Variants in ADPRHL1 observed in about 807,000 individuals in gnomAD.
ADPRHL1 encodes ADP-ribosylhydrolase like 1.
A neutral mutation model predicts 44.1 loss-of-function variants in ADPRHL1; 43 were observed. That is an observed-to-expected ratio of 0.98 (90% CI 0.76 to 1.26). ADPRHL1 has a LOEUF of 1.26. Among genes scored for constraint, ADPRHL1 ranks in the 50% most tolerant of loss-of-function variants. The pLI is 0.00. For synonymous variants in ADPRHL1, 878 were observed against 1,017.4 expected (o/e 0.86, Z 2.61); for missense variants, 2,022 against 2,496.9 (o/e 0.81, Z 4.05).
intron 7 of ADPRHL1, among the ~76,000 whole-genome samples, chr13:113,412,812 C>T (rs1238684164): frequency 4.4e-5 from 5 of 113,672 alleles, no homozygotes; most frequent in Admixed American, 1.7e-4. Flanking sequence ...CAACAGCACC[C>T]CGCAGAACTC....
chr13:113,427,752 A>C (rs2043977523), intron 4 of ADPRHL1, among the ~76,000 whole-genome samples: 1 of 152,236 alleles, frequency 6.6e-6, no homozygotes, highest in Middle Eastern at 3.2e-3. Flanking sequence ...CGGGGAGCAC[A>C]GAGCAGTGGC....
chr13:113,451,882 C>T (rs2044181376), intron 1 of ADPRHL1, among the ~76,000 whole-genome samples: 1 of 152,278 alleles, frequency 6.6e-6, no homozygotes, highest in African/African-American at 2.4e-5. Flanking sequence ...CCTGTTGGGC[C>T]GATCTCCGTC....
chr13:113,405,062 A>C lies in ADPRHL1; in HGVS notation c.4220T>G (p.Val1407Gly), dbSNP rs1393168333. Reference sequence around the variant, plus strand: ...CTGAGGCTCTTTTGCTGGGTTCAGCACAACCTTCGAGCCCGACGGCGCCAC... The same window carrying C: ...CTGAGGCTCTTTTGCTGGGTTCAGCCCAACCTTCGAGCCCGACGGCGCCAC... ...KRVAPSGSKV[V>G]LNPAKEPQTW... The change falls in exon 8 of 8, where the codon GTG (valine) becomes GGG (glycine). Residue 1407 changes from valine to glycine, a missense_variant. Physicochemically the swap from Val to Gly is moderately radical, Grantham distance 109. Around this residue, in one of 8 missense-constraint regions of ADPRHL1, gnomAD observed 1,221 missense variants for 1,517.8 expected, o/e 0.80. Transcript: ENST00000612156. 14 of 1,232,244 alleles carry C rather than the reference A, an allele frequency of 1.1e-5. No individual in the cohort carries two copies. Among genetic ancestry groups the C allele is most frequent in the African/African-American group, 1.1e-4 (7 of 64,432 alleles). The allele number at this position is 1,232,244 out of a possible 1,614,324, so 76.3% of individuals were successfully genotyped here.
chr13:113,430,816 T>C (rs2044001746), intron 3 of ADPRHL1, among the ~76,000 whole-genome samples: 2 of 151,964 alleles, frequency 1.3e-5, no homozygotes, highest in South Asian at 4.2e-4. Flanking sequence ...GATGGTGTGG[T>C]GCTGCCGATG....
At chr13:113,443,465 A>G (rs1350472828) in intron 2 of ADPRHL1, among the ~76,000 whole-genome samples, 3 of 149,966 alleles carry the variant, frequency 2.0e-5, no homozygotes, top group Non-Finnish European at 4.4e-5. Flanking sequence ...AAAACAACCA[A>G]AACATTAACT....
chr13:113,409,401 G>T lies in ADPRHL1; in HGVS notation c.1062-1181C>A. 1.0e-6 allele frequency: 1 copy of T among 985,356 alleles called. No individual in the cohort carries two copies. The highest frequency in any genetic ancestry group is 1.2e-6 in the Non-Finnish European group (1 of 829,912). The allele number at this position is 985,356 out of a possible 1,614,324, so 61.0% of individuals were successfully genotyped here. ...GAGATCATCAGGGATGAGGAACAAA[G>T]ACTCGAGTATTACAGGAAAAGTCGC... On this transcript the variant is annotated intron_variant, in intron 7 of 7. Coordinates refer to ENST00000612156, the MANE Select transcript of ADPRHL1 (RefSeq NM_001394807.1). This position sits in a 1 kb window ranked among gnomAD's most constrained non-coding sequence, Gnocchi z 4.2.
chr13:113,420,898 C>A, intron 7 of ADPRHL1, among the ~76,000 whole-genome samples: 2 of 140,476 alleles, frequency 1.4e-5, no homozygotes, highest in Middle Eastern at 7.5e-3. Context: ...GACCCGCTCA[C>A]CCCGGGACAC....
intron 7 of ADPRHL1, among the ~76,000 whole-genome samples, chr13:113,416,639 A>C (rs1455534993): frequency 6.6e-6 from 1 of 152,228 alleles, no homozygotes; most frequent in Non-Finnish European, 1.5e-5. Context: ...TATAGATTAT[A>C]AAGGAAACCG....
At position 113,408,097 on chromosome 13, in the gene ADPRHL1, G is replaced by A. The variant is rs758335957; in HGVS notation, c.1185C>T (p.Tyr395=). Residue 395 remains tyrosine, a synonymous_variant, in exon 8 of 8, where the codon TAC becomes TAT. Coordinates refer to ENST00000612156, the MANE Select transcript of ADPRHL1 (RefSeq NM_001394807.1). ...GGGGCCGGTCTGCGCGGCCCGTGAC[G>A]TAGAGCAGCAGGCTGCTGAGGATGG... ...AHSILSSLLL[Y]VTGRADRPPG... 1.6e-5 allele frequency: 20 copies of A among 1,231,906 alleles called. No homozygotes were observed. Among genetic ancestry groups the A allele is most frequent in the Non-Finnish European group, 1.8e-5 (18 of 987,962 alleles). The allele number at this position is 1,231,906 out of a possible 1,614,324, so 76.3% of individuals were successfully genotyped here.
rs559793322 is a variant in ADPRHL1 at position 113,429,070 on chromosome 13, C to G, written c.528G>C (p.Thr176=). Residue 176 remains threonine, a synonymous_variant, in exon 4 of 8, where the codon ACG becomes ACC. Coordinates refer to ENST00000612156, the MANE Select transcript of ADPRHL1 (RefSeq NM_001394807.1). ...HPTGFLGSLC[T]ALFVSFAAQG... The stretch of plus-strand genomic sequence containing the variant: ...GTGCGGCGAACGACACAAACAGGGC[C>G]GTGCACAGGGAGCCCAGGAAGCCTG... 6.2e-7 allele frequency: 1 copy of G among 1,611,906 alleles called. No homozygotes were observed.
chr13:113,451,878 G>C (rs1025014783), intron 1 of ADPRHL1, among the ~76,000 whole-genome samples: 1 of 152,156 alleles, frequency 6.6e-6, no homozygotes, highest in Non-Finnish European at 1.5e-5. Flanking sequence ...GTGTCCTGTT[G>C]GGCCGATCTC....
intron 2 of ADPRHL1, among the ~76,000 whole-genome samples, chr13:113,435,151 C>T (rs2044041551): frequency 3.5e-5 from 2 of 56,698 alleles, no homozygotes; most frequent in Non-Finnish European, 3.7e-5. Context: ...GGCACCCACG[C>T]ATAGAGTGAA....
At chr13:113,422,094 A>G (rs41286624) in intron 7 of ADPRHL1, 2,586 of 152,344 alleles carry the variant, frequency 0.017, 32 homozygotes, top group African/African-American at 0.036. Context: ...AGCGAGCCCG[A>G]TGGGGCAGGC....
intron 7 of ADPRHL1, among the ~76,000 whole-genome samples, chr13:113,418,010 A>G (rs2043895348): frequency 6.6e-6 from 1 of 152,220 alleles, no homozygotes; most frequent in African/African-American, 2.4e-5. Context: ...GGCTTCTGGC[A>G]GCTTGGGCCT....
At position 113,441,880 on chromosome 13, in the gene ADPRHL1, C is replaced by T. The variant is rs1362070097; in HGVS notation, c.379+2545G>A. Among the ~76,000 whole-genome samples, 2 of 152,152 alleles carry T rather than the reference C, an allele frequency of 1.3e-5. No individual in the cohort carries two copies. The highest frequency in any genetic ancestry group is 2.9e-5 in the Non-Finnish European group (2 of 68,022). On this transcript the variant is annotated intron_variant, in intron 2 of 7. Coordinates refer to ENST00000612156, the MANE Select transcript of ADPRHL1 (RefSeq NM_001394807.1). This position sits in a 1 kb window ranked among gnomAD's most constrained non-coding sequence, Gnocchi z 6.0. Reference sequence around the variant, plus strand: ...TCCGTGTCACTATCACACTCTGTCCCCACCCTGTGTGTGAGTCTGTGTCTC... The same window carrying T: ...TCCGTGTCACTATCACACTCTGTCCTCACCCTGTGTGTGAGTCTGTGTCTC...
At chr13:113,433,644 G>A (rs2139632794) in intron 3 of ADPRHL1, 98 bp downstream of exon 3, 4 of 1,466,062 alleles carry the variant, frequency 2.7e-6, no homozygotes, top group Non-Finnish European at 3.6e-6. Flanking sequence ...GCAGCTCCAG[G>A]CCCCCGCCCC....
Position 113,405,731 on chromosome 13 carries a change from T to C in ADPRHL1, c.3551A>G (p.Lys1184Arg). The C allele has an allele frequency of 8.1e-7, 1 of 1,231,852 alleles. No individual in the cohort carries two copies. The highest frequency in any genetic ancestry group is 1.0e-6 in the Non-Finnish European group (1 of 988,044). 76.3% of individuals were successfully genotyped at this position (1,231,852 alleles called of 1,614,324 possible). The part of the protein sequence containing the change: ...LLAPGGSLEP[K>R]SGAAGRSLLR... ...GAGGCTCCTCCCTGCTGCTCCACTC[T>C]TGGGCTCCAAGGATCCCCCAGGGGC... is the stretch of plus-strand genomic sequence containing the variant. Residue 1184 changes from lysine to arginine, a missense_variant, in exon 8 of 8, where the codon AAG becomes AGG. By Grantham distance (26) the Lys-to-Arg change is conservative (BLOSUM62 2). Transcript: ENST00000612156.
chr13:113,433,199 C>T (rs2044019658), intron 3 of ADPRHL1, among the ~76,000 whole-genome samples: 1 of 152,186 alleles, frequency 6.6e-6, no homozygotes. Context: ...TGGGGTGGAG[C>T]CGCTCCCGTG....
chr13:113,416,874 G>A (rs2043889531), intron 7 of ADPRHL1, among the ~76,000 whole-genome samples: 1 of 152,228 alleles, frequency 6.6e-6, no homozygotes. Flanking sequence ...AAATGTTTCA[G>A]AAACAATTGT....
Sources: allele counts gnomAD v4.1 joint callset (sites outside exome capture counted in the v4.1 genomes callset), GRCh38; gene constraint gnomAD v4.1.1; regional missense constraint gnomAD v4.1.1; non-coding constraint Gnocchi (gnomAD v3.1); transcripts MANE v1.5; gene names NCBI Gene and HGNC (gene_info 2026-07-23, HGNC 2026-07-21).